EDEM3: variants seen among roughly 807,000 people sequenced by gnomAD.
The protein encoded by EDEM3 is ER degradation-enhancing alpha-mannosidase-like protein 3.
EDEM3 carries 60 observed loss-of-function variants against 110.2 expected under a neutral mutation model. The observed-to-expected ratio is 0.54, with a 90% CI of 0.44 to 0.67. The LOEUF (loss-of-function observed/expected upper bound fraction) is 0.67, where lower values mean the gene tolerates loss of function less well. Ranked by LOEUF, EDEM3 falls within the 30% of genes least tolerant of loss-of-function variation. The pLI is 0.00. For missense variants in EDEM3, 996 were observed against 1,121.0 expected, an observed-to-expected ratio of 0.89 and a Z score of 1.59; for synonymous variants, 352 against 382.9, an observed-to-expected ratio of 0.92 and a Z score of 0.94.
intron 6 of EDEM3, among the ~76,000 whole-genome samples, chr1:184,730,234 C>T (rs184557475): frequency 2.6e-5 from 4 of 152,238 alleles, no homozygotes; most frequent in South Asian, 2.1e-4. Context: ...ACTTCCTCTT[C>T]GAGTAATTTA....
chr1:184,722,963 T>G (rs1046706274), intron 8 of EDEM3, among the ~76,000 whole-genome samples: 1 of 151,996 alleles, frequency 6.6e-6, no homozygotes, highest in African/African-American at 2.4e-5. Context: ...CTGATTTATT[T>G]TAATAACAAT....
chr1:184,709,002 G>A (rs1353817909), intron 16 of EDEM3, among the ~76,000 whole-genome samples: 2 of 152,124 alleles, frequency 1.3e-5, no homozygotes, highest in Non-Finnish European at 1.5e-5. Context: ...AAAATAAGAT[G>A]ATTCCTGATA....
chr1:184,743,957 T>C (rs1158799978), intron 2 of EDEM3, among the ~76,000 whole-genome samples: 1 of 151,330 alleles, frequency 6.6e-6, no homozygotes, highest in Non-Finnish European at 1.5e-5. Context: ...ATAGATCTAA[T>C]GAACAAGCTA....
intron 19 of EDEM3, among the ~76,000 whole-genome samples, chr1:184,697,199 TTAAATAAAATCA>T (rs1253163826): frequency 6.6e-6 from 1 of 151,864 alleles, no homozygotes; most frequent in Non-Finnish European, 1.5e-5. Context: ...CCCACGTTGC[TTAAATAAAATCA>T]TAATGAGAAC....
In EDEM3 at chr1:184,748,682, T is replaced by A. The variant is rs76793753; in HGVS notation, c.204+865A>T. On this transcript the variant is annotated intron_variant, in intron 2 of 19. Coordinates refer to ENST00000318130, the MANE Select transcript of EDEM3 (RefSeq NM_025191.4). ...TAAAAATGCATAAATTACATATATT[T>A]AGATGTTCATAGATAACAATGATGT... Among the ~76,000 whole-genome samples, 299 of 152,298 alleles carry A rather than the reference T, an allele frequency of 2.0e-3. 5 individuals are homozygous for A. The East Asian group carries it at 0.053, about 27-fold the overall frequency.
chr1:184,738,551 C>G (rs1651957776), intron 2 of EDEM3, among the ~76,000 whole-genome samples: 1 of 152,068 alleles, frequency 6.6e-6, no homozygotes, highest in Non-Finnish European at 1.5e-5. Context: ...TAAAAATAGA[C>G]CCATTAGGGT....
rs927403708 is a variant in EDEM3 at position 184,690,910 on chromosome 1, T to C, written c.*3153A>G. The C allele has an allele frequency of 6.6e-6, 1 of 152,436 alleles. No homozygotes were observed. Among genetic ancestry groups the C allele is most frequent in the African/African-American group, 2.4e-5 (1 of 41,460 alleles). 9.4% of individuals were successfully genotyped at this position (152,436 alleles called of 1,614,324 possible). A position where few individuals can be genotyped will look rare whatever the true frequency, so the allele number is the denominator to read the frequency against. ...TTATAAGCAGTATTTGAATTACTTA[T>C]GCTGAGCTTTCTTCATGATGAATTT... On this transcript the variant is annotated 3_prime_UTR_variant, in exon 20 of 20. Coordinates refer to ENST00000318130, the MANE Select transcript of EDEM3 (RefSeq NM_025191.4).
chr1:184,728,036 G>A (rs1651283570), intron 6 of EDEM3, among the ~76,000 whole-genome samples: 1 of 152,134 alleles, frequency 6.6e-6, no homozygotes, highest in Non-Finnish European at 1.5e-5. Flanking sequence ...AGAATCAACA[G>A]TGAAAAATAT....
rs1649110734 is a variant in EDEM3 at position 184,692,631 on chromosome 1, T to C, written c.*1432A>G. On this transcript the variant is annotated 3_prime_UTR_variant, in exon 20 of 20. Coordinates refer to ENST00000318130, the MANE Select transcript of EDEM3 (RefSeq NM_025191.4). ...AGAAGAAAATTATGTCTCTTAAATA[T>C]TCCTTTAGAACAAATTCAGGCAAGT... 1 of 152,084 alleles carries C rather than the reference T, an allele frequency of 6.6e-6. No homozygotes were observed. The highest frequency in any genetic ancestry group is 1.5e-5 in the Non-Finnish European group (1 of 67,970). 9.4% of individuals were successfully genotyped at this position (152,084 alleles called of 1,614,324 possible).
At chr1:184,700,910 G>A (rs1372083294) in intron 19 of EDEM3, among the ~76,000 whole-genome samples, 1 of 151,802 alleles carries the variant, frequency 6.6e-6, no homozygotes, top group African/African-American at 2.4e-5. Context: ...ACACAAAAAG[G>A]GGGCTTTTCA....
intron 13 of EDEM3, among the ~76,000 whole-genome samples, chr1:184,713,150 C>T (rs993879806): frequency 6.6e-6 from 1 of 152,046 alleles, no homozygotes; most frequent in Admixed American, 6.6e-5. Flanking sequence ...CCTGTAATAC[C>T]AGCTACTCAG....
chr1:184,711,661 G>A (rs1650238911), intron 15 of EDEM3, 62 bp downstream of exon 15: 1 of 1,455,030 alleles, frequency 6.9e-7, no homozygotes, highest in African/African-American at 1.4e-5. Flanking sequence ...TGCTCCCTAA[G>A]TTCTCTGTCA....
chr1:184,725,761 T>C (rs1339678632), intron 7 of EDEM3, among the ~76,000 whole-genome samples: 2 of 151,934 alleles, frequency 1.3e-5, no homozygotes, highest in African/African-American at 2.4e-5. Context: ...CACAACTATG[T>C]GGGGATATTA....
intron 2 of EDEM3, among the ~76,000 whole-genome samples, chr1:184,738,814 A>G (rs965994152): frequency 3.3e-5 from 5 of 152,158 alleles, no homozygotes; most frequent in Admixed American, 2.0e-4. Flanking sequence ...TTTGGCCACA[A>G]GAGACTCTCA....
Position 184,694,262 on chromosome 1 carries a change from G to A in EDEM3, c.2600C>T (p.Pro867Leu). ...ATTTGTAGTCTCATGGTTTTCTGTGGGATTAGAAGTCTGTTCAGAAGGGGA... is the reference window on the plus strand; with the variant it reads ...ATTTGTAGTCTCATGGTTTTCTGTGAGATTAGAAGTCTGTTCAGAAGGGGA... ...SISPSEQTSN[P>L]TENHETTNLN... Residue 867 changes from proline (P) to leucine (L), a missense_variant, in exon 20 of 20, where the codon CCC (proline) becomes CTC (leucine). Around this residue, in one of 5 missense-constraint regions of EDEM3, gnomAD observed 345 missense variants for 402.0 expected, o/e 0.86. Coordinates refer to ENST00000318130, the MANE Select transcript of EDEM3 (RefSeq NM_025191.4). The A allele has an allele frequency of 6.2e-7, 1 of 1,613,210 alleles. No homozygotes were observed. Among genetic ancestry groups the A allele is most frequent in the Non-Finnish European group, 8.5e-7 (1 of 1,179,554 alleles).
intron 1 of EDEM3, among the ~76,000 whole-genome samples, chr1:184,753,431 G>C (rs1244374806): frequency 6.8e-6 from 1 of 147,138 alleles, no homozygotes; most frequent in Non-Finnish European, 1.5e-5. Context: ...TTTCGAGACA[G>C]AGTTTCGCTC....
chr1:184,754,821 A>C lies in EDEM3; in HGVS notation c.-175T>G. 1 of 1,091,778 alleles carries C rather than the reference A, an allele frequency of 9.2e-7. No homozygotes were observed. The highest frequency in any genetic ancestry group is 1.2e-6 in the Non-Finnish European group (1 of 808,466). 67.6% of individuals were successfully genotyped at this position (1,091,778 alleles called of 1,614,324 possible). A position where few individuals can be genotyped will look rare whatever the true frequency, so the allele number is the denominator to read the frequency against. ...AGCCACCAAGCCGGTCCCCAGCGCC[A>C]GCGCTGCCACCGCCCTCCGCCCTCA... On this transcript the variant is annotated 5_prime_UTR_variant, in exon 1 of 20. Transcript: ENST00000318130.
At chr1:184,730,913 G>A (rs891376607) in intron 6 of EDEM3, among the ~76,000 whole-genome samples, 1 of 150,224 alleles carries the variant, frequency 6.7e-6, no homozygotes, top group African/African-American at 2.4e-5. Flanking sequence ...GATTGTTCTA[G>A]CTGAAATGGA....
chr1:184,709,836 CTA>C (rs1439316456), intron 16 of EDEM3, among the ~76,000 whole-genome samples: 1 of 152,112 alleles, frequency 6.6e-6, no homozygotes, highest in African/African-American at 2.4e-5. Context: ...ATTCAGCAAA[CTA>C]TGTGGTTTTC....
Sources: allele counts gnomAD v4.1 joint callset (sites outside exome capture counted in the v4.1 genomes callset), GRCh38; gene constraint gnomAD v4.1.1; regional missense constraint gnomAD v4.1.1; transcripts MANE v1.5; gene names NCBI Gene and HGNC (gene_info 2026-07-23, HGNC 2026-07-21).